Variants in SNCAIP observed in about 807,000 individuals in gnomAD.
SNCAIP encodes the protein synuclein alpha interacting protein.
In SNCAIP, 43 loss-of-function variants were observed where a neutral mutation model predicts 86.7. That is an observed-to-expected ratio of 0.50 (90% CI 0.39 to 0.64). The LOEUF (loss-of-function observed/expected upper bound fraction) is 0.64. SNCAIP is among the 30% of genes least tolerant of loss of function. The pLI is 0.00. For synonymous variants in SNCAIP, 417 were observed against 427.2 expected (o/e 0.98, Z 0.29); for missense variants, 981 against 1,103.1 (o/e 0.89, Z 1.57).
chr5:122,390,207 G>A (rs1292761386), intron 1 of SNCAIP, among the ~76,000 whole-genome samples: 1 of 152,148 alleles, frequency 6.6e-6, no homozygotes, highest in African/African-American at 2.4e-5. Flanking sequence ...GGAAGCAGAG[G>A]CTGATTTTGC....
intron 1 of SNCAIP, among the ~76,000 whole-genome samples, chr5:122,334,561 C>T (rs1038098504): frequency 6.6e-6 from 1 of 152,138 alleles, no homozygotes; most frequent in Non-Finnish European, 1.5e-5. Flanking sequence ...GGTGACATGC[C>T]GTGCGACTAG....
At chr5:122,313,084 G>C (rs1246871694) in intron 1 of SNCAIP, among the ~76,000 whole-genome samples, 2 of 152,264 alleles carry the variant, frequency 1.3e-5, no homozygotes, top group African/African-American at 4.8e-5. Flanking sequence ...TGCTTGCAGC[G>C]AAGAAAGTCT....
chr5:122,405,094 CA>C (rs1192121303), intron 3 of SNCAIP, among the ~76,000 whole-genome samples: 1 of 152,202 alleles, frequency 6.6e-6, no homozygotes, highest in Non-Finnish European at 1.5e-5. Flanking sequence ...GTGCCCATTT[CA>C]AACTTGAACC....
intron 5 of SNCAIP, among the ~76,000 whole-genome samples, chr5:122,431,569 A>G (rs1462880933): frequency 6.6e-6 from 1 of 152,148 alleles, no homozygotes; most frequent in Non-Finnish European, 1.5e-5. Flanking sequence ...GAGGGTGAGA[A>G]CCAAAGAGTA....
At chr5:122,316,229 G>T (rs1202181061) in intron 1 of SNCAIP, among the ~76,000 whole-genome samples, 3 of 152,178 alleles carry the variant, frequency 2.0e-5, no homozygotes, top group Non-Finnish European at 4.4e-5. Context: ...TCCCTAAGAT[G>T]TCAAAGGGAA....
intron 3 of SNCAIP, among the ~76,000 whole-genome samples, chr5:122,422,390 T>C (rs2152924396): frequency 6.6e-6 from 1 of 152,304 alleles, no homozygotes; most frequent in East Asian, 1.9e-4. Flanking sequence ...GCCACTTCTT[T>C]TCATGGGACT....
At chr5:122,458,977 GGAA>G (rs1264356027) in intron 10 of SNCAIP, among the ~76,000 whole-genome samples, 1 of 152,118 alleles carries the variant, frequency 6.6e-6, no homozygotes, top group Non-Finnish European at 1.5e-5. Flanking sequence ...GAGGAAAAGT[GGAA>G]GAAGAGAGAA....
chr5:122,411,445 C>T (rs1373837147), intron 3 of SNCAIP, among the ~76,000 whole-genome samples: 3 of 152,126 alleles, frequency 2.0e-5, no homozygotes, highest in Non-Finnish European at 4.4e-5. Context: ...TCTGACAGCA[C>T]CCCAGTTCTT....
At chr5:122,382,955 C>T (rs1347188679) in intron 1 of SNCAIP, among the ~76,000 whole-genome samples, 1 of 152,312 alleles carries the variant, frequency 6.6e-6, no homozygotes, top group Admixed American at 6.5e-5. Context: ...AGCTGTCAGA[C>T]AGGGACATTT....
chr5:122,373,995 C>G (rs1478015285), intron 1 of SNCAIP, among the ~76,000 whole-genome samples: 1 of 152,154 alleles, frequency 6.6e-6, no homozygotes, highest in Non-Finnish European at 1.5e-5. Context: ...ATACAGATCC[C>G]TTGTCTACTA....
chr5:122,434,491 G>T (rs1778996562), intron 6 of SNCAIP, among the ~76,000 whole-genome samples: 1 of 152,116 alleles, frequency 6.6e-6, no homozygotes, highest in South Asian at 2.1e-4. Context: ...TGACTTACTT[G>T]GTGGGACTAG....
At chr5:122,460,430 T>G (rs1785892795) in intron 10 of SNCAIP, among the ~76,000 whole-genome samples, 1 of 152,192 alleles carries the variant, frequency 6.6e-6, no homozygotes, top group Non-Finnish European at 1.5e-5. Context: ...TAAATCCGTA[T>G]TTTTAACAAT....
intron 3 of SNCAIP, among the ~76,000 whole-genome samples, chr5:122,414,627 T>C (rs946600779): frequency 7.2e-5 from 11 of 152,184 alleles, no homozygotes; most frequent in Non-Finnish European, 1.5e-5. Context: ...TAGGTTAGAG[T>C]GAATCCAAAA....
intron 3 of SNCAIP, among the ~76,000 whole-genome samples, chr5:122,414,172 G>A (rs1287199748): frequency 6.6e-6 from 1 of 151,848 alleles, no homozygotes; most frequent in Non-Finnish European, 1.5e-5. Context: ...ACCCCCCAAA[G>A]CACTGAGATG....
chr5:122,313,938 G>A (rs1751191543), intron 1 of SNCAIP, among the ~76,000 whole-genome samples: 1 of 152,156 alleles, frequency 6.6e-6, no homozygotes, highest in Non-Finnish European at 1.5e-5. Flanking sequence ...TTGAAAAGAA[G>A]GGGTATAATT....
chr5:122,396,376 T>C (rs1275906323), intron 2 of SNCAIP, among the ~76,000 whole-genome samples: 1 of 152,120 alleles, frequency 6.6e-6, no homozygotes, highest in African/African-American at 2.4e-5. Flanking sequence ...CCAGAGAAGG[T>C]AGAGAATAAC....
At position 122,457,913 on chromosome 5, in the gene SNCAIP, T is replaced by A. The variant is rs1785171046; in HGVS notation, c.2755-5578T>A. 2.0e-5 allele frequency among the ~76,000 whole-genome samples: 3 copies of A among 152,028 alleles called. No individual in the cohort carries two copies. In the South Asian group the frequency reaches 6.2e-4, roughly 32 times the overall value. ...CAGAGTCTTGTGTATAAAGAAAAAA[T>A]GTCCATGTTATGAGAAGCCAGAATG... On this transcript the variant is annotated intron_variant, in intron 10 of 10. Coordinates refer to ENST00000261368, the MANE Select transcript of SNCAIP (RefSeq NM_005460.4).
intron 1 of SNCAIP, among the ~76,000 whole-genome samples, chr5:122,325,103 C>T (rs1012653433): frequency 6.6e-6 from 1 of 152,056 alleles, no homozygotes; most frequent in Non-Finnish European, 1.5e-5. Flanking sequence ...CAACAAATAT[C>T]TATTGATTAT....
intron 6 of SNCAIP, among the ~76,000 whole-genome samples, chr5:122,435,021 C>T (rs1027900219): frequency 2.7e-5 from 4 of 147,442 alleles, no homozygotes; most frequent in African/African-American, 7.3e-5. Context: ...TAATTTGTGT[C>T]GTTTTTCTTG....
Sources: gnomAD v4.1 joint callset for allele counts (sites outside exome capture counted in the v4.1 genomes callset) on GRCh38, gnomAD v4.1.1 for gene constraint, MANE v1.5 for transcripts, NCBI Gene and HGNC (gene_info 2026-07-23, HGNC 2026-07-21) for gene names.